Variants in MAP9 observed in about 807,000 individuals in gnomAD.
The protein encoded by MAP9 is microtubule-associated protein 9.
A neutral mutation model predicts 75.2 loss-of-function variants in MAP9; 80 were observed. That is an observed-to-expected ratio of 1.06 (90% confidence interval 0.89 to 1.28). The LOEUF (loss-of-function observed/expected upper bound fraction) is 1.28, where lower values mean the gene tolerates loss of function less well. Among genes scored for constraint, MAP9 ranks in the 50% most tolerant of loss-of-function variants. The probability of loss-of-function intolerance (pLI) is 0.00; values close to 1 mark genes in which losing one functional copy is unlikely to be tolerated. For missense variants in MAP9, 753 were observed against 719.9 expected (o/e 1.05, Z -0.53); for synonymous variants, 235 against 237.3 (o/e 0.99, Z 0.09).
At chr4:155,350,743 C>T (rs1256285490) in intron 13 of MAP9, among the ~76,000 whole-genome samples, 2 of 151,936 alleles carry the variant, frequency 1.3e-5, no homozygotes, top group Non-Finnish European at 2.9e-5. Context: ...CTAAACTCAA[C>T]ACACAGAGTA....
intron 13 of MAP9, 141 bp from the exon 14 acceptor site, chr4:155,348,046 A>G (rs1731346830): frequency 1.7e-6 from 1 of 598,174 alleles, no homozygotes; most frequent in African/African-American, 1.9e-5. Context: ...TAAAGAAATA[A>G]CAGGTAGGGC....
intron 4 of MAP9, among the ~76,000 whole-genome samples, chr4:155,372,632 A>T (rs1245755939): frequency 1.3e-5 from 2 of 152,256 alleles, no homozygotes; most frequent in African/African-American, 4.8e-5. Context: ...AACAAACAAC[A>T]GCAGCAATAA....
chr4:155,360,470 A>G (rs1261021237), intron 6 of MAP9, 55 bp from the exon 7 acceptor site: 1 of 1,499,488 alleles, frequency 6.7e-7, no homozygotes, highest in African/African-American at 1.4e-5. Flanking sequence ...AATAAGGTAA[A>G]TACTTGATTC....
chr4:155,375,729 A>C, intron 2 of MAP9, 47 bp downstream of exon 2: 1 of 1,193,650 alleles, frequency 8.4e-7, no homozygotes, highest in Non-Finnish European at 1.2e-6. Context: ...CAACCCATCT[A>C]ATACAGTGTT....
intron 5 of MAP9, among the ~76,000 whole-genome samples, chr4:155,367,881 T>C (rs1488315852): frequency 2.6e-5 from 4 of 152,254 alleles, no homozygotes; most frequent in Admixed American, 6.5e-5. Flanking sequence ...AGAAAGAAGC[T>C]TGGCCAGGTG....
chr4:155,371,163 T>C (rs1027817754), intron 4 of MAP9, among the ~76,000 whole-genome samples: 1 of 152,186 alleles, frequency 6.6e-6, no homozygotes, highest in East Asian at 1.9e-4. Flanking sequence ...CTGGTTATTA[T>C]ACTTTTTACA....
intron 7 of MAP9, 124 bp downstream of exon 7, chr4:155,360,044 T>C (rs1331400742): frequency 2.3e-6 from 2 of 868,770 alleles, no homozygotes; most frequent in East Asian, 5.2e-5. Flanking sequence ...CAATACAATA[T>C]CACTATCAAA....
rs759202060 is a variant in MAP9, at chr4:155,353,355, AT to A, written c.1381-16del. 1.3e-6 allele frequency: 2 copies of A among 1,550,668 alleles called. No individual in the cohort carries two copies. Among genetic ancestry groups the A allele is most frequent in the Non-Finnish European group, 1.7e-6 (2 of 1,159,836 alleles). ...GCAGCTTTTTTCTACAGTGGAAAAA[AT>A]AATAGAGTGATATACATATATATGT... On this transcript the variant is annotated splice_polypyrimidine_tract_variant and intron_variant, in intron 10 of 13. Transcript: ENST00000311277.
chr4:155,368,265 C>T, intron 5 of MAP9: 1 of 497,444 alleles, frequency 2.0e-6, no homozygotes, highest in South Asian at 3.9e-5. Flanking sequence ...TATATAGATT[C>T]AGAAAAGCAA....
chr4:155,343,357 TTAAC>T lies in MAP9; in HGVS notation c.*4422_*4425del, dbSNP rs1731179501. Reference sequence around the variant, plus strand: ...CAGGAGAAAGTACACTAGAAACTAATTAACAGGAAGAGTACAAAATAATATGTTA... The same window carrying T: ...CAGGAGAAAGTACACTAGAAACTAATAGGAAGAGTACAAAATAATATGTTA... On this transcript the variant is annotated 3_prime_UTR_variant, in exon 14 of 14. Coordinates refer to ENST00000311277, the MANE Select transcript of MAP9 (RefSeq NM_001039580.2). The T allele has an allele frequency of 6.6e-6, 1 of 151,688 alleles. No individual in the cohort carries two copies. Among genetic ancestry groups the T allele is most frequent in the African/African-American group, 2.4e-5 (1 of 41,392 alleles). 9.4% of individuals were successfully genotyped at this position (151,688 alleles called of 1,614,324 possible).
At chr4:155,350,280 C>A in intron 13 of MAP9, 2 of 451,778 alleles carry the variant, frequency 4.4e-6, no homozygotes, top group Non-Finnish European at 4.4e-6. Context: ...AGAAGGAGAA[C>A]CGATCTGTAA....
chr4:155,368,304 A>C, intron 5 of MAP9: 1 of 535,278 alleles, frequency 1.9e-6, no homozygotes, highest in Non-Finnish European at 3.3e-6. Flanking sequence ...TTTCTCTAAA[A>C]CTGGATAAAC....
Position 155,355,138 on chromosome 4 carries a change from A to T in MAP9, c.1313T>A (p.Val438Glu), listed in dbSNP as rs1313454540. Residue 438 changes from valine (V) to glutamate (E), a missense_variant, in exon 10 of 14, where the codon GTG (valine) becomes GAG (glutamate). Transcript: ENST00000311277. ...VYQEWLEKKNVYLHEMHRIKR... is the reference protein window; with the variant it reads ...VYQEWLEKKNEYLHEMHRIKR... ...TATTCTGTGCATTTCATGTAAATAC[A>T]CATTTTTCTTTTCTAACCACTCCTA... The T allele has an allele frequency of 1.5e-6, 2 of 1,331,502 alleles. No individual in the cohort carries two copies. Among genetic ancestry groups the T allele is most frequent in the East Asian group, 5.4e-5 (2 of 36,844 alleles). The allele number at this position is 1,331,502 out of a possible 1,614,324, so 82.5% of individuals were successfully genotyped here. A position where few individuals can be genotyped will look rare whatever the true frequency, so the allele number is the denominator to read the frequency against.
Position 155,368,727 on chromosome 4 carries a change from C to T in MAP9, c.567G>A (p.Glu189=). Residue 189 remains glutamate (E), a synonymous_variant, in exon 5 of 14, where the codon GAG becomes GAA. Coordinates refer to ENST00000311277, the MANE Select transcript of MAP9 (RefSeq NM_001039580.2). ...CTTTATCTTCTAGTCCATCCTTCTCCTCCATGTGACTTTTCTTTTTCAACA... is the reference window on the plus strand; with the variant it reads ...CTTTATCTTCTAGTCCATCCTTCTCTTCCATGTGACTTTTCTTTTTCAACA... ...RSMLKKKSHM[E]EKDGLEDKET... is the part of the protein sequence containing the mutation. 6.2e-7 allele frequency: 1 copy of T among 1,614,050 alleles called. No individual in the cohort carries two copies.
intron 5 of MAP9, chr4:155,367,097 G>A (rs763186288): frequency 3.3e-5 from 5 of 152,058 alleles, no homozygotes; most frequent in Admixed American, 6.5e-5. Flanking sequence ...TTTAACATAC[G>A]AACATTAATG....
chr4:155,355,134 A>G lies in MAP9; in HGVS notation c.1317T>C (p.Tyr439=), dbSNP rs764981226. ...YQEWLEKKNV[Y]LHEMHRIKRI... is the part of the protein sequence containing the mutation. The stretch of plus-strand genomic sequence containing the variant: ...TTTTTATTCTGTGCATTTCATGTAA[A>G]TACACATTTTTCTTTTCTAACCACT... Residue 439 remains tyrosine, a synonymous_variant, in exon 10 of 14, where the codon TAT becomes TAC. Coordinates refer to ENST00000311277, the MANE Select transcript of MAP9 (RefSeq NM_001039580.2). The G allele has an allele frequency of 3.0e-5, 42 of 1,396,658 alleles. No individual in the cohort carries two copies. The highest frequency in any genetic ancestry group is 4.0e-5 in the Non-Finnish European group (41 of 1,026,334). The allele number at this position is 1,396,658 out of a possible 1,614,324, so 86.5% of individuals were successfully genotyped here. A position where few individuals can be genotyped will look rare whatever the true frequency, so the allele number is the denominator to read the frequency against.
intron 5 of MAP9, chr4:155,367,561 A>G (rs546882556): frequency 1.1e-4 from 17 of 152,372 alleles, no homozygotes; most frequent in African/African-American, 4.1e-4. Context: ...CACAATATTC[A>G]ATGGATCAGA....
rs1732681698 is a variant in MAP9 at position 155,373,208 on chromosome 4, C to T, written c.409G>A (p.Glu137Lys). 6.2e-7 allele frequency: 1 copy of T among 1,602,980 alleles called. No homozygotes were observed. The highest frequency in any genetic ancestry group is 1.3e-5 in the African/African-American group (1 of 74,462). Residue 137 changes from glutamate (E) to lysine (K), a missense_variant, in exon 4 of 14, where the codon GAG becomes AAG. Glu to Lys is a moderately conservative substitution (Grantham distance 56, BLOSUM62 1). Coordinates refer to ENST00000311277, the MANE Select transcript of MAP9 (RefSeq NM_001039580.2). The part of the protein sequence containing the change: ...KSFSESQNKD[E>K]EFEKDKIKMK... ...TTTATTTTGTCTTTTTCAAATTCCT[C>T]ATCCTTATTTTGAGATTCAGAGAAA...
intron 7 of MAP9, among the ~76,000 whole-genome samples, chr4:155,359,156 T>A (rs956094491): frequency 6.6e-6 from 1 of 151,250 alleles, no homozygotes; most frequent in Non-Finnish European, 1.5e-5. Context: ...ATAGCAAAGA[T>A]ATGGAATCAA....
Sources: gnomAD v4.1 joint callset for allele counts (sites outside exome capture counted in the v4.1 genomes callset) on GRCh38, gnomAD v4.1.1 for gene constraint, MANE v1.5 for transcripts, NCBI Gene and HGNC (gene_info 2026-07-23, HGNC 2026-07-21) for gene names.